The following ZNF524 variants were observed in gnomAD, a reference collection of about 807,000 sequenced individuals.
The protein encoded by ZNF524 is zinc finger protein 524.
For missense variants in ZNF524, 388 were observed against 380.1 expected (o/e 1.02, Z -0.17); for synonymous variants, 194 against 166.3 (o/e 1.17, Z -1.28).
upstream of ZNF524, chr19:55,599,965 C>T (rs1011610891): frequency 1.3e-5 from 2 of 152,242 alleles, no homozygotes; most frequent in African/African-American, 2.4e-5. Flanking sequence ...GCTTCGAAGC[C>T]TGTCCGGTGC....
intron 1 of ZNF524, 145 bp downstream of exon 1, chr19:55,600,553 A>AC (rs1231565847): frequency 1.4e-5 from 2 of 148,106 alleles, no homozygotes; most frequent in Non-Finnish European, 3.0e-5. Context: ...GCGCGCGCAG[A>AC]CCCCCTTCCT....
chr19:55,601,813 T>G, intron 1 of ZNF524: 1 of 275,454 alleles, frequency 3.6e-6, no homozygotes, highest in East Asian at 6.5e-5. Flanking sequence ...GTGTTGCTCA[T>G]GTTGATCTTG....
chr19:55,602,781 G>A lies in ZNF524; in HGVS notation c.669G>A (p.Glu223=). The change falls in exon 2 of 2, where the codon GAG becomes GAA. Residue 223 remains glutamate (E), a synonymous_variant. Transcript: ENST00000301073. ...GCCATGCGAAGCGCAAGCACCCGGA[G>A]GCCATGGGGGTACCCCTGTGTGCAC... is the stretch of plus-strand genomic sequence containing the variant. ...LRRHAKRKHP[E]AMGVPLCAPD... The A allele has an allele frequency of 1.2e-6, 2 of 1,610,928 alleles. No homozygotes were observed. Among genetic ancestry groups the A allele is most frequent in the South Asian group, 2.2e-5 (2 of 91,018 alleles).
chr19:55,603,077 C>G lies in ZNF524; in HGVS notation c.*170C>G, dbSNP rs750574313. Reference sequence around the variant, plus strand: ...TGGGGTCCAGCTGCCTTCAGCCCCCCTCCCCCAGACTAACAGACCCTTGGA... The same window carrying G: ...TGGGGTCCAGCTGCCTTCAGCCCCCGTCCCCCAGACTAACAGACCCTTGGA... On this transcript the variant is annotated 3_prime_UTR_variant, in exon 2 of 2. Transcript: ENST00000301073. 1 of 730,842 alleles carries G rather than the reference C, an allele frequency of 1.4e-6. No homozygotes were observed. Among genetic ancestry groups the G allele is most frequent in the African/African-American group, 1.8e-5 (1 of 55,912 alleles). The allele number at this position is 730,842 out of a possible 1,614,324, so 45.3% of individuals were successfully genotyped here.
At position 55,602,576 on chromosome 19, in the gene ZNF524, G is replaced by C; in HGVS notation, c.464G>C (p.Ser155Thr). 1 of 1,585,606 alleles carries C rather than the reference G, an allele frequency of 6.3e-7. No individual in the cohort carries two copies. The highest frequency in any genetic ancestry group is 8.5e-7 in the Non-Finnish European group (1 of 1,172,224). Residue 155 changes from serine to threonine, a missense_variant, in exon 2 of 2, where the codon AGC becomes ACC. By Grantham distance (58) the Ser-to-Thr change is moderately conservative. Coordinates refer to ENST00000301073, the MANE Select transcript of ZNF524 (RefSeq NM_153219.4). ...TGCGGCAAGACCTTCAAGCGCTCCA[G>C]CCACCTGCGGCGGCACTGCAACATC... ...KVCGKTFKRS[S>T]HLRRHCNIHA...
At position 55,602,877 on chromosome 19, in the gene ZNF524, G is replaced by A. The variant is rs954832431; in HGVS notation, c.765G>A (p.Glu255=). The A allele has an allele frequency of 2.5e-6, 4 of 1,590,702 alleles. No homozygotes were observed. The highest frequency in any genetic ancestry group is 3.4e-6 in the Non-Finnish European group (4 of 1,169,654). The change falls in exon 2 of 2, where the codon GAG becomes GAA. Residue 255 remains glutamate (E), a synonymous_variant. Coordinates refer to ENST00000301073, the MANE Select transcript of ZNF524 (RefSeq NM_153219.4). ...CCACAGCAGGGGCCGAGGAGGAGGA[G>A]GAGACAGAGGGGAAAGGGGAGCCGG... ...IPATAGAEEE[E]ETEGKGEPA
At chr19:55,599,586 CGCCCTCTTG>C (rs1980532424), upstream of ZNF524, 1 of 152,424 alleles carries the variant, frequency 6.6e-6, no homozygotes. Context: ...CCCTTTCTCC[CGCCCTCTTG>C]GCTCCCCTTC....
rs763956237 is a variant in ZNF524 at position 55,602,358 on chromosome 19, C to T, written c.246C>T (p.Ser82=). 1.3e-6 allele frequency: 2 copies of T among 1,558,630 alleles called. No homozygotes were observed. The highest frequency in any genetic ancestry group is 2.3e-5 in the South Asian group (2 of 85,394). ...VTAPVGSSGG[S]DLLLIDDQGV... Reference sequence around the variant, plus strand: ...CCCCAGTAGGCAGCAGTGGCGGGAGCGACCTCCTCCTGATCGATGATCAGG... The same window carrying T: ...CCCCAGTAGGCAGCAGTGGCGGGAGTGACCTCCTCCTGATCGATGATCAGG... Residue 82 remains serine (S), a synonymous_variant, in exon 2 of 2, where the codon AGC becomes AGT. Transcript: ENST00000301073.
rs1600000673 is a variant in ZNF524, at chr19:55,602,423, C to T, written c.311C>T (p.Pro104Leu). 1.1e-5 allele frequency: 17 copies of T among 1,591,824 alleles called. No homozygotes were observed. Among genetic ancestry groups the T allele is most frequent in the Non-Finnish European group, 1.4e-5 (16 of 1,171,968 alleles). The change falls in exon 2 of 2, where the codon CCT becomes CTT. Residue 104 changes from proline to leucine, a missense_variant. Pro to Leu is a moderately conservative substitution (Grantham distance 98). Coordinates refer to ENST00000301073, the MANE Select transcript of ZNF524 (RefSeq NM_153219.4). ...GTCTCTGAAGGTTCAGCGGCTGGGC[C>T]TGAGGGCTCTGGCCCCAGGAAGGCC... ...YTVSEGSAAG[P>L]EGSGPRKAPH...
At chr19:55,601,075 C>G (rs1487378526) in intron 1 of ZNF524, 1 of 152,368 alleles carries the variant, frequency 6.6e-6, no homozygotes, top group East Asian at 1.9e-4. Context: ...GAGGAGGAAA[C>G]TGGCAAAGTC....
rs1389830423 is a variant in ZNF524 at position 55,600,358 on chromosome 19, G to C, written c.-89G>C. The C allele has an allele frequency of 6.7e-6, 1 of 149,124 alleles. No individual in the cohort carries two copies. Among genetic ancestry groups the C allele is most frequent in the Non-Finnish European group, 1.5e-5 (1 of 66,946 alleles). The allele number at this position is 149,124 out of a possible 1,614,324, so 9.2% of individuals were successfully genotyped here. ...CCTCCCCTTCCCACGCGCCGGCCCC[G>C]TTGCCCCCGCGCGCGCGCACACTCG... On this transcript the variant is annotated 5_prime_UTR_variant, in exon 1 of 2. Transcript: ENST00000301073.
chr19:55,603,042 A>C lies in ZNF524; in HGVS notation c.*135A>C. 2 of 1,148,082 alleles carry C rather than the reference A, an allele frequency of 1.7e-6. No homozygotes were observed. Among genetic ancestry groups the C allele is most frequent in the Non-Finnish European group, 2.4e-6 (2 of 826,642 alleles). 71.1% of individuals were successfully genotyped at this position (1,148,082 alleles called of 1,614,324 possible). On this transcript the variant is annotated 3_prime_UTR_variant, in exon 2 of 2. Coordinates refer to ENST00000301073, the MANE Select transcript of ZNF524 (RefSeq NM_153219.4). ...TTGTGGGAGCAGGTGGAGGGTGGAG[A>C]CCTAAACTTTGGGGTCCAGCTGCCT... is the stretch of plus-strand genomic sequence containing the variant.
At chr19:55,601,935 C>T (rs150906903) in intron 1 of ZNF524, 140 bp from the exon 2 acceptor site, 75 of 515,264 alleles carry the variant, frequency 1.5e-4, no homozygotes, top group East Asian at 1.3e-3. Flanking sequence ...TACCCACCAG[C>T]ATAGCTAAAA....
intron 1 of ZNF524, chr19:55,600,828 G>GA (rs1212659141): frequency 8.9e-6 from 1 of 112,054 alleles, no homozygotes; most frequent in African/African-American, 3.2e-5. Context: ...TTAAAGGGGA[G>GA]GGGGGGGTGC....
chr19:55,603,029 G>A lies in ZNF524; in HGVS notation c.*122G>A, dbSNP rs1448475201. The A allele has an allele frequency of 2.4e-6, 3 of 1,235,202 alleles. No homozygotes were observed. The highest frequency in any genetic ancestry group is 1.1e-6 in the Non-Finnish European group (1 of 904,098). 76.5% of individuals were successfully genotyped at this position (1,235,202 alleles called of 1,614,324 possible). On this transcript the variant is annotated 3_prime_UTR_variant, in exon 2 of 2. Coordinates refer to ENST00000301073, the MANE Select transcript of ZNF524 (RefSeq NM_153219.4). ...GGTGGTCTTCCCGTTGTGGGAGCAG[G>A]TGGAGGGTGGAGACCTAAACTTTGG... is the stretch of plus-strand genomic sequence containing the variant.
At chr19:55,600,440 G>T (rs1487604657) in intron 1 of ZNF524, 32 bp downstream of exon 1, 1 of 4,254 alleles carries the variant, frequency 2.4e-4, no homozygotes, top group African/African-American at 3.3e-4. Context: ...CAGGCGGGAG[G>T]GGGGGTGTGG....
rs1419713986 is a variant in ZNF524 at position 55,602,392 on chromosome 19, T to C, written c.280T>C (p.Tyr94His). 3.2e-6 allele frequency: 5 copies of C among 1,576,904 alleles called. No homozygotes were observed. Among genetic ancestry groups the C allele is most frequent in the Non-Finnish European group, 4.3e-6 (5 of 1,162,718 alleles). Reference sequence around the variant, plus strand: ...CCTGATCGATGATCAGGGTGTGCCCTATACGGTCTCTGAAGGTTCAGCGGC... The same window carrying C: ...CCTGATCGATGATCAGGGTGTGCCCCATACGGTCTCTGAAGGTTCAGCGGC... ...LLLIDDQGVP[Y>H]TVSEGSAAGP... Residue 94 changes from tyrosine to histidine, a missense_variant, in exon 2 of 2, where the codon TAT becomes CAT. Physicochemically the swap from Tyr to His is moderately conservative, Grantham distance 83. Transcript: ENST00000301073.
chr19:55,602,652 C>G lies in ZNF524; in HGVS notation c.540C>G (p.Arg180=), dbSNP rs1437453831. ...FRCPLCPRRF[R]EAGELAHHHR... ...GCCCGCTGTGCCCCCGCCGCTTCCG[C>G]GAGGCGGGCGAGCTGGCGCACCACC... Residue 180 remains arginine (R), a synonymous_variant, in exon 2 of 2, where the codon CGC becomes CGG. Coordinates refer to ENST00000301073, the MANE Select transcript of ZNF524 (RefSeq NM_153219.4). 9 of 1,592,862 alleles carry G rather than the reference C, an allele frequency of 5.7e-6. No individual in the cohort carries two copies. The highest frequency in any genetic ancestry group is 2.7e-5 in the African/African-American group (2 of 74,696).
In ZNF524 at chr19:55,602,282, C is replaced by T. The variant is rs574543266; in HGVS notation, c.170C>T (p.Pro57Leu). ...KASLPRKRGRPPKSGQEPPLV... is the reference protein window; with the variant it reads ...KASLPRKRGRLPKSGQEPPLV... Reference sequence around the variant, plus strand: ...TCCCTCCCTCGCAAGCGGGGCCGCCCCCCCAAGTCAGGGCAGGAGCCCCCA... The same window carrying T: ...TCCCTCCCTCGCAAGCGGGGCCGCCTCCCCAAGTCAGGGCAGGAGCCCCCA... The change falls in exon 2 of 2, where the codon CCC becomes CTC. Residue 57 changes from proline (P) to leucine (L), a missense_variant. Coordinates refer to ENST00000301073, the MANE Select transcript of ZNF524 (RefSeq NM_153219.4). The T allele has an allele frequency of 3.8e-6, 6 of 1,590,754 alleles. No individual in the cohort carries two copies. Among genetic ancestry groups the T allele is most frequent in the South Asian group, 1.1e-5 (1 of 88,144 alleles).
Sources: gnomAD v4.1 joint callset for allele counts on GRCh38, gnomAD v4.1.1 for gene constraint, MANE v1.5 for transcripts, NCBI Gene and HGNC (gene_info 2026-07-23, HGNC 2026-07-21) for gene names.